Variants in CNTN6 observed in about 807,000 individuals in gnomAD.
CNTN6 encodes contactin-6.
A neutral mutation model predicts 122.8 loss-of-function variants in CNTN6; 137 were observed. The observed-to-expected ratio is 1.12, with a 90% CI of 0.97 to 1.29. The LOEUF (loss-of-function observed/expected upper bound fraction) is 1.29. CNTN6 is among the 50% of genes most tolerant of loss of function. CNTN6 has a pLI of 0.00. For missense variants in CNTN6, 1,634 were observed against 1,223.4 expected (o/e 1.34, Z -5.01); for synonymous variants, 570 against 426.0 (o/e 1.34, Z -4.16).
chr3:1,132,022 G>A (rs1467963185), intron 1 of CNTN6, among the ~76,000 whole-genome samples: 2 of 152,036 alleles, frequency 1.3e-5, no homozygotes, highest in African/African-American at 4.8e-5. Flanking sequence ...GTAGAGTGAA[G>A]GAAAGCAATT....
intron 4 of CNTN6, among the ~76,000 whole-genome samples, chr3:1,255,129 G>A (rs990314854): frequency 6.6e-6 from 1 of 152,156 alleles, no homozygotes; most frequent in African/African-American, 2.4e-5. Context: ...GGGGATAGAA[G>A]GCTACACAGC....
At chr3:1,316,703 A>G (rs544923198) in intron 7 of CNTN6, among the ~76,000 whole-genome samples, 2 of 151,642 alleles carry the variant, frequency 1.3e-5, no homozygotes, top group East Asian at 3.9e-4. Context: ...ACATAGTATT[A>G]TACTAGTAAA....
At chr3:1,264,162 G>A (rs1476010396) in intron 4 of CNTN6, among the ~76,000 whole-genome samples, 1 of 151,978 alleles carries the variant, frequency 6.6e-6, no homozygotes, top group East Asian at 1.9e-4. Context: ...TTATTTCTCT[G>A]GGTTGACTGA....
At chr3:1,348,155 G>GAGAAAAAAAAAAAAAAA (rs1457391939) in intron 11 of CNTN6, among the ~76,000 whole-genome samples, 1 of 21,980 alleles carries the variant, frequency 4.5e-5, no homozygotes, top group Non-Finnish European at 7.9e-5. Context: ...CTATGCTATA[G>GAGAAAAAAAAAAAAAAA]ACAAAAAAAA....
chr3:1,221,910 G>T (rs971156491), intron 3 of CNTN6, among the ~76,000 whole-genome samples: 1 of 152,110 alleles, frequency 6.6e-6, no homozygotes, highest in African/African-American at 2.4e-5. Flanking sequence ...GGCAAAATAA[G>T]CTGGTTTAGC....
intron 2 of CNTN6, among the ~76,000 whole-genome samples, chr3:1,197,055 C>A (rs993219543): frequency 2.0e-5 from 3 of 152,200 alleles, no homozygotes; most frequent in Admixed American, 6.5e-5. Flanking sequence ...TCTTGAGATA[C>A]AAAAGCATTA....
At chr3:1,224,984 G>A (rs779466297) in intron 3 of CNTN6, among the ~76,000 whole-genome samples, 99 of 152,198 alleles carry the variant, frequency 6.5e-4, no homozygotes, top group Non-Finnish European at 2.4e-4. Context: ...CCGACCTCAG[G>A]TAATCAGCCT....
chr3:1,242,261 G>A (rs1354875103), intron 4 of CNTN6, among the ~76,000 whole-genome samples: 7 of 152,146 alleles, frequency 4.6e-5, no homozygotes, highest in African/African-American at 1.4e-4. Context: ...GGGACGAGGG[G>A]TGCAGGGGAA....
rs371083332 is a variant in CNTN6 at position 1,102,607 on chromosome 3, A to G, written c.-83+9487A>G. ...AGCCGGGCGTGGTGGCGGCGCCTGT[A>G]GTCCCAGCTACTCGGGAGGCTGAGG... On this transcript the variant is annotated intron_variant, in intron 1 of 22. Coordinates refer to ENST00000446702, the MANE Select transcript of CNTN6 (RefSeq NM_001289080.2). 2.4e-3 allele frequency among the ~76,000 whole-genome samples: 342 copies of G among 144,078 alleles called. 10 individuals are homozygous for G. The highest frequency in any genetic ancestry group is 5.0e-3 in the South Asian group (22 of 4,424). 94.5% of individuals were successfully genotyped at this position (144,078 alleles called of 152,430 possible).
chr3:1,298,027 G>A lies in CNTN6; in HGVS notation c.761+36G>A, dbSNP rs769490297. On this transcript the variant is annotated intron_variant, in intron 7 of 22. Coordinates refer to ENST00000446702, the MANE Select transcript of CNTN6 (RefSeq NM_001289080.2). ...TGTTTTTGTTTTTGTTTTCCTGGTT[G>A]CATTAATTTTTTTTTATTAAAAACC... The A allele has an allele frequency of 8.1e-6, 12 of 1,489,258 alleles. No homozygotes were observed. The South Asian group carries it at 1.2e-4, about 15-fold the overall frequency. The allele number at this position is 1,489,258 out of a possible 1,614,324, so 92.3% of individuals were successfully genotyped here. A position where few individuals can be genotyped will look rare whatever the true frequency, so the allele number is the denominator to read the frequency against.
chr3:1,330,214 T>C (rs1488782473), intron 11 of CNTN6, among the ~76,000 whole-genome samples: 1 of 151,932 alleles, frequency 6.6e-6, no homozygotes, highest in Non-Finnish European at 1.5e-5. Flanking sequence ...ACATTCAGTT[T>C]GAAGGCTTCC....
chr3:1,168,561 T>A (rs1389937063), intron 2 of CNTN6, among the ~76,000 whole-genome samples: 1 of 151,516 alleles, frequency 6.6e-6, no homozygotes, highest in Non-Finnish European at 1.5e-5. Flanking sequence ...GTCACAAATA[T>A]GTGCAATAAG....
At chr3:1,312,353 C>G (rs1274314460) in intron 7 of CNTN6, among the ~76,000 whole-genome samples, 1 of 151,678 alleles carries the variant, frequency 6.6e-6, no homozygotes, top group African/African-American at 2.4e-5. Context: ...TTTCTGGAAG[C>G]AACTCATCAT....
At chr3:1,333,992 A>G (rs1241649439) in intron 11 of CNTN6, among the ~76,000 whole-genome samples, 1 of 152,146 alleles carries the variant, frequency 6.6e-6, no homozygotes, top group Non-Finnish European at 1.5e-5. Context: ...ATTTCTCAAT[A>G]CAGTGAACAT....
At chr3:1,151,048 G>A (rs9834575) in intron 2 of CNTN6, among the ~76,000 whole-genome samples, 5,533 of 152,214 alleles carry the variant, frequency 0.036, 319 homozygotes, top group African/African-American at 0.13. Context: ...GCATGGCTCT[G>A]CCTGCACCTT....
At chr3:1,251,248 C>T (rs1229393735) in intron 4 of CNTN6, among the ~76,000 whole-genome samples, 2 of 152,240 alleles carry the variant, frequency 1.3e-5, no homozygotes, top group East Asian at 3.9e-4. Context: ...AAGACTTTGT[C>T]AATGTCTAAA....
chr3:1,222,710 T>C (rs137986524), intron 3 of CNTN6, among the ~76,000 whole-genome samples: 361 of 152,232 alleles, frequency 2.4e-3, no homozygotes, highest in Non-Finnish European at 3.0e-3. Flanking sequence ...TTTCTTTTTT[T>C]TTTAACTTTT....
At chr3:1,182,382 G>A (rs2093567411) in intron 2 of CNTN6, among the ~76,000 whole-genome samples, 1 of 152,092 alleles carries the variant, frequency 6.6e-6, no homozygotes, top group South Asian at 2.1e-4. Context: ...TGGAGGTGAG[G>A]ATACTGTTCT....
chr3:1,258,969 G>A (rs888686401), intron 4 of CNTN6, among the ~76,000 whole-genome samples: 1 of 152,118 alleles, frequency 6.6e-6, no homozygotes, highest in African/African-American at 2.4e-5. Context: ...TGTCTCTGCT[G>A]TTATTGGGTG....
Sources: allele counts gnomAD v4.1 joint callset (sites outside exome capture counted in the v4.1 genomes callset), GRCh38; gene constraint gnomAD v4.1.1; transcripts MANE v1.5; gene names NCBI Gene and HGNC (gene_info 2026-07-23, HGNC 2026-07-21).